ITGBL1: variants seen among roughly 807,000 people sequenced by gnomAD.
The protein encoded by ITGBL1 is integrin subunit beta like 1.
In ITGBL1, 51 loss-of-function variants were observed where a neutral mutation model predicts 68.5. That is an observed-to-expected ratio of 0.74 (90% CI 0.59 to 0.94). The LOEUF (loss-of-function observed/expected upper bound fraction) is 0.94, where lower values mean the gene tolerates loss of function less well. ITGBL1 is among the 40% of genes least tolerant of loss of function. The pLI, the probability that ITGBL1 is intolerant of heterozygous loss-of-function variation, is 0.00. For missense variants in ITGBL1, 649 were observed against 647.4 expected, an observed-to-expected ratio of 1.00 and a Z score of -0.03; for synonymous variants, 209 against 227.3, an observed-to-expected ratio of 0.92 and a Z score of 0.72.
chr13:101,489,004 G>T (rs2048739315), intron 2 of ITGBL1, among the ~76,000 whole-genome samples: 1 of 152,196 alleles, frequency 6.6e-6, no homozygotes, highest in African/African-American at 2.4e-5. Flanking sequence ...GAAGCTAGGA[G>T]GTGTGGTTAT....
intron 2 of ITGBL1, among the ~76,000 whole-genome samples, chr13:101,512,589 A>T (rs2049133359): frequency 6.6e-6 from 1 of 152,124 alleles, no homozygotes; most frequent in Admixed American, 6.6e-5. Context: ...GGACTGTGGG[A>T]TTGTCATTCA....
chr13:101,481,535 T>C (rs1178942490), intron 2 of ITGBL1, among the ~76,000 whole-genome samples: 2 of 151,996 alleles, frequency 1.3e-5, no homozygotes, highest in Non-Finnish European at 2.9e-5. Context: ...CTCTCAAATA[T>C]TGCAAGTTCT....
chr13:101,707,880 A>T (rs1186973071), intron 9 of ITGBL1, among the ~76,000 whole-genome samples: 1 of 151,742 alleles, frequency 6.6e-6, no homozygotes, highest in African/African-American at 2.4e-5. Context: ...AAAGGTAATA[A>T]TTAAACAAAG....
In ITGBL1 at chr13:101,492,901, CTTTCCT is replaced by C. The variant is rs1171502853; in HGVS notation, c.316+38807_316+38812del. 2.0e-5 allele frequency among the ~76,000 whole-genome samples: 3 copies of C among 152,210 alleles called. No homozygotes were observed. The East Asian group carries it at 5.8e-4, about 29-fold the overall frequency. ...TAATAATCCTAAACTTCCTCACTCC[CTTTCCT>C]TTTCCAAGTTCAAATGCAGAAGCTT... On this transcript the variant is annotated intron_variant, in intron 2 of 10. Coordinates refer to ENST00000376180, the MANE Select transcript of ITGBL1 (RefSeq NM_004791.3).
At chr13:101,717,566 A>G (rs1302006578), downstream of ITGBL1, 3 of 152,160 alleles carry the variant, frequency 2.0e-5, no homozygotes, top group East Asian at 5.8e-4. Context: ...CCATCGTAAT[A>G]CAAATGACCT....
chr13:101,485,545 C>T (rs1023380808), intron 2 of ITGBL1, among the ~76,000 whole-genome samples: 6 of 152,132 alleles, frequency 3.9e-5, no homozygotes, highest in African/African-American at 1.4e-4. Context: ...TGGTTCACGT[C>T]GGTAATCTCA....
intron 8 of ITGBL1, among the ~76,000 whole-genome samples, chr13:101,699,392 C>G (rs1344647947): frequency 6.6e-6 from 1 of 152,128 alleles, no homozygotes; most frequent in Non-Finnish European, 1.5e-5. Context: ...TGTCCCCACG[C>G]AAATTTCATC....
At chr13:101,671,434 T>TTTTG (rs1220061794) in intron 7 of ITGBL1, among the ~76,000 whole-genome samples, 1 of 72,710 alleles carries the variant, frequency 1.4e-5, no homozygotes, top group Admixed American at 1.7e-4. Flanking sequence ...TTGTTTTTTT[T>TTTTG]TTGTTTTTTT....
chr13:101,713,744 A>C (rs1338488728), intron 9 of ITGBL1: 1 of 152,218 alleles, frequency 6.6e-6, no homozygotes, highest in Non-Finnish European at 1.5e-5. Flanking sequence ...ATAACCAAAG[A>C]GGAAGTTTTT....
chr13:101,713,911 C>G (rs986502975), intron 9 of ITGBL1: 1 of 152,794 alleles, frequency 6.5e-6, no homozygotes, highest in African/African-American at 2.4e-5. Context: ...TGACTGTATG[C>G]ATTTTTAGCA....
At chr13:101,481,578 C>A (rs1350934063) in intron 2 of ITGBL1, among the ~76,000 whole-genome samples, 1 of 151,898 alleles carries the variant, frequency 6.6e-6, no homozygotes, top group Non-Finnish European at 1.5e-5. Flanking sequence ...CCAGAGATAT[C>A]TGAGTGTCTT....
intron 6 of ITGBL1, among the ~76,000 whole-genome samples, chr13:101,587,631 C>A (rs577862527): frequency 6.6e-5 from 10 of 152,300 alleles, no homozygotes; most frequent in South Asian, 6.2e-4. Context: ...TATCGTTCAG[C>A]TTTCCCTGCC....
intron 2 of ITGBL1, among the ~76,000 whole-genome samples, chr13:101,513,633 G>C (rs1209365140): frequency 6.6e-6 from 1 of 152,056 alleles, no homozygotes; most frequent in African/African-American, 2.4e-5. Flanking sequence ...CTTATGGCTA[G>C]AATTCCTCTG....
intron 7 of ITGBL1, among the ~76,000 whole-genome samples, chr13:101,609,216 A>T (rs2031015244): frequency 6.6e-6 from 1 of 152,086 alleles, no homozygotes; most frequent in East Asian, 1.9e-4. Flanking sequence ...TCGGGAATGT[A>T]ATTGTTATTT....
At chr13:101,578,419 A>C (rs1423728753) in intron 4 of ITGBL1, among the ~76,000 whole-genome samples, 3 of 152,216 alleles carry the variant, frequency 2.0e-5, no homozygotes, top group Non-Finnish European at 4.4e-5. Context: ...AAGGACATAC[A>C]TTTATACTTA....
intron 7 of ITGBL1, among the ~76,000 whole-genome samples, chr13:101,606,176 A>ATATG (rs1484620178): frequency 6.9e-6 from 1 of 144,100 alleles, no homozygotes; most frequent in African/African-American, 2.5e-5. Flanking sequence ...TAGGATTTTT[A>ATATG]TATATATATA....
chr13:101,691,487 C>A (rs567578825), intron 7 of ITGBL1, among the ~76,000 whole-genome samples: 3 of 152,106 alleles, frequency 2.0e-5, no homozygotes, highest in Admixed American at 6.5e-5. Flanking sequence ...GAGTGACTAA[C>A]AACATTGCAA....
intron 2 of ITGBL1, among the ~76,000 whole-genome samples, chr13:101,457,863 GGAAA>G (rs1244777530): frequency 2.0e-4 from 30 of 152,090 alleles, no homozygotes; most frequent in Non-Finnish European, 4.4e-5. Flanking sequence ...TTGATTGCAT[GGAAA>G]GAAACTTTCA....
At chr13:101,642,318 G>T (rs1176602273) in intron 7 of ITGBL1, among the ~76,000 whole-genome samples, 2 of 152,170 alleles carry the variant, frequency 1.3e-5, no homozygotes, top group African/African-American at 2.4e-5. Context: ...GGCCAGTGAT[G>T]GTGAGCATTT....
Sources: gnomAD v4.1 joint callset for allele counts (sites outside exome capture counted in the v4.1 genomes callset) on GRCh38, gnomAD v4.1.1 for gene constraint, MANE v1.5 for transcripts, NCBI Gene and HGNC (gene_info 2026-07-23, HGNC 2026-07-21) for gene names.